ZSWIM5: variants seen among roughly 807,000 people sequenced by gnomAD.
The protein encoded by ZSWIM5 is zinc finger SWIM-type containing 5, also known as zinc finger SWIM domain-containing protein 5.
ZSWIM5 carries 55 observed loss-of-function variants against 119.6 expected under a neutral mutation model. The observed-to-expected ratio is 0.46, with a 90% CI of 0.37 to 0.58. ZSWIM5 has a LOEUF of 0.58. Among genes scored for constraint, ZSWIM5 ranks in the 20% least tolerant of loss-of-function variants. The pLI is 0.00. For missense variants in ZSWIM5, 1,193 were observed against 1,512.8 expected, an observed-to-expected ratio of 0.79 and a Z score of 3.51; for synonymous variants, 537 against 606.9, an observed-to-expected ratio of 0.88 and a Z score of 1.69.
At chr1:45,060,587 T>C (rs1382654695) in intron 2 of ZSWIM5, among the ~76,000 whole-genome samples, 1 of 152,210 alleles carries the variant, frequency 6.6e-6, no homozygotes, top group Non-Finnish European at 1.5e-5. Flanking sequence ...ATTTTGTTTC[T>C]TCTTTTTGCT....
chr1:45,177,830 C>T (rs971107924), intron 1 of ZSWIM5, among the ~76,000 whole-genome samples: 2 of 152,150 alleles, frequency 1.3e-5, no homozygotes, highest in African/African-American at 2.4e-5. Flanking sequence ...CATTCTATGG[C>T]ACAAACAACA....
chr1:45,034,599 T>A, intron 10 of ZSWIM5, 130 bp from the exon 11 acceptor site: 1 of 1,119,964 alleles, frequency 8.9e-7, no homozygotes, highest in Non-Finnish European at 1.2e-6. Context: ...TTGAAGGTTT[T>A]TAAACCTATG....
chr1:45,164,560 T>C (rs1272687830), intron 1 of ZSWIM5, among the ~76,000 whole-genome samples: 1 of 152,088 alleles, frequency 6.6e-6, no homozygotes, highest in African/African-American at 2.4e-5. Flanking sequence ...ATCAGTGTGC[T>C]GTATTCAGGA....
chr1:45,035,915 T>C, intron 9 of ZSWIM5, 92 bp from the exon 10 acceptor site: 1 of 1,578,010 alleles, frequency 6.3e-7, no homozygotes, highest in Non-Finnish European at 8.6e-7. Flanking sequence ...TGTTTGCTAA[T>C]CATGGGAACC....
At chr1:45,172,129 C>CA (rs565442370) in intron 1 of ZSWIM5, among the ~76,000 whole-genome samples, 10 of 149,260 alleles carry the variant, frequency 6.7e-5, no homozygotes, top group Admixed American at 1.3e-4. Flanking sequence ...ATGTAATGTT[C>CA]AAAAAAAAAG....
chr1:45,119,799 C>T (rs144612073), intron 1 of ZSWIM5, among the ~76,000 whole-genome samples: 6 of 152,180 alleles, frequency 3.9e-5, no homozygotes, highest in African/African-American at 1.4e-4. Flanking sequence ...ACTTACAATC[C>T]CAAAACTTCT....
At chr1:45,112,252 C>G (rs1645523138) in intron 1 of ZSWIM5, among the ~76,000 whole-genome samples, 1 of 152,148 alleles carries the variant, frequency 6.6e-6, no homozygotes, top group African/African-American at 2.4e-5. Context: ...TGAAGCCACA[C>G]AGTATGTTGT....
intron 1 of ZSWIM5, among the ~76,000 whole-genome samples, chr1:45,095,732 C>T (rs1645397554): frequency 6.6e-6 from 1 of 152,134 alleles, no homozygotes; most frequent in Admixed American, 6.5e-5. Flanking sequence ...CCTGATCTCT[C>T]CCTTACAAAG....
intron 2 of ZSWIM5, among the ~76,000 whole-genome samples, chr1:45,068,792 C>CTTTTTTTTT (rs758235271): frequency 8.6e-5 from 4 of 46,730 alleles, no homozygotes; most frequent in African/African-American, 8.6e-5. Flanking sequence ...TGTTGTATGT[C>CTTTTTTTTT]TTTTTTTTTT....
chr1:45,136,282 T>A (rs1476054678), intron 1 of ZSWIM5, among the ~76,000 whole-genome samples: 1 of 152,194 alleles, frequency 6.6e-6, no homozygotes, highest in African/African-American at 2.4e-5. Context: ...CTTAAATCCA[T>A]AATTTATTTC....
rs778645836 is a variant in ZSWIM5, at chr1:45,034,406, A to G, written c.2355T>C (p.Ser785=). 3.4e-5 allele frequency: 55 copies of G among 1,613,924 alleles called. No homozygotes were observed. The highest frequency in any genetic ancestry group is 4.6e-5 in the Non-Finnish European group (54 of 1,179,948). The change falls in exon 11 of 14, where the codon TCT becomes TCC. Residue 785 remains serine (S), a synonymous_variant. Transcript: ENST00000359600. ...AGCGAGGATAACGGCTGGGCACCAC[A>G]GACACCATATGGTGAGGGTGGGATG... The part of the protein sequence containing the change: ...GDTSHPHHMV[S]VVPSRYPRWF...
intron 11 of ZSWIM5, among the ~76,000 whole-genome samples, chr1:45,030,366 C>T (rs1644945603): frequency 1.3e-5 from 2 of 152,178 alleles, no homozygotes; most frequent in Admixed American, 1.3e-4. Context: ...TGTGCCTCAG[C>T]CTCCTGAGTA....
chr1:45,135,966 T>C (rs1645686644), intron 1 of ZSWIM5, among the ~76,000 whole-genome samples: 1 of 152,046 alleles, frequency 6.6e-6, no homozygotes, highest in Non-Finnish European at 1.5e-5. Flanking sequence ...ACTCAAGTGA[T>C]CCTCTCACCT....
At chr1:45,163,505 A>G (rs956642269) in intron 1 of ZSWIM5, among the ~76,000 whole-genome samples, 1 of 152,240 alleles carries the variant, frequency 6.6e-6, no homozygotes, top group Non-Finnish European at 1.5e-5. Flanking sequence ...GCTTCAGAAG[A>G]TCGGTAATAA....
intron 1 of ZSWIM5, among the ~76,000 whole-genome samples, chr1:45,109,874 C>CT (rs34921318): frequency 8.6e-5 from 13 of 150,666 alleles, no homozygotes; most frequent in East Asian, 2.0e-4. Context: ...TATATTTTTC[C>CT]TTTTTTTTTA....
At chr1:45,204,603 CAAAG>C (rs746034146) in intron 1 of ZSWIM5, among the ~76,000 whole-genome samples, 2 of 152,104 alleles carry the variant, frequency 1.3e-5, no homozygotes, top group Non-Finnish European at 2.9e-5. Context: ...CAGCACGATT[CAAAG>C]AAAAACATTT....
At chr1:45,179,139 T>C (rs747161997) in intron 1 of ZSWIM5, among the ~76,000 whole-genome samples, 5 of 152,032 alleles carry the variant, frequency 3.3e-5, no homozygotes, top group Non-Finnish European at 5.9e-5. Context: ...AAAAGACACA[T>C]ACGTGTACCT....
intron 2 of ZSWIM5, among the ~76,000 whole-genome samples, chr1:45,066,095 G>A (rs1645182120): frequency 7.2e-6 from 1 of 138,852 alleles, no homozygotes; most frequent in Non-Finnish European, 1.5e-5. Context: ...ACCCACCTAT[G>A]AGTGAGAACA....
At chr1:45,130,365 AACACACAC>A (rs3051045) in intron 1 of ZSWIM5, among the ~76,000 whole-genome samples, 11 of 149,766 alleles carry the variant, frequency 7.3e-5, no homozygotes, top group East Asian at 5.9e-4. Flanking sequence ...GAACACTTAA[AACACACAC>A]ACACACACAC....
Sources: gnomAD v4.1 joint callset for allele counts (sites outside exome capture counted in the v4.1 genomes callset) on GRCh38, gnomAD v4.1.1 for gene constraint, MANE v1.5 for transcripts, NCBI Gene and HGNC (gene_info 2026-07-23, HGNC 2026-07-21) for gene names.